The following SGCB variants were observed in gnomAD, a reference collection of about 807,000 sequenced individuals.
SGCB encodes beta-sarcoglycan.
A neutral mutation model predicts 27.3 loss-of-function variants in SGCB; 25 were observed. The observed-to-expected ratio is 0.92, with a 90% CI of 0.67 to 1.28. SGCB has a LOEUF of 1.28. Among genes scored for constraint, SGCB ranks in the 50% most tolerant of loss-of-function variants. SGCB has a pLI of 0.00. For missense variants in SGCB, 436 were observed against 402.1 expected, an observed-to-expected ratio of 1.08 and a Z score of -0.72; for synonymous variants, 147 against 133.5, an observed-to-expected ratio of 1.10 and a Z score of -0.70.
At chr4:52,031,491 T>TTC (rs1188535530) in intron 2 of SGCB, among the ~76,000 whole-genome samples, 43 of 151,218 alleles carry the variant, frequency 2.8e-4, no homozygotes, top group Non-Finnish European at 5.3e-4. Flanking sequence ...CCTTTTAATT[T>TTC]TTTTTTTTTT....
Position 52,034,268 on chromosome 4 carries a change from C to G in SGCB, c.34-628G>C, listed in dbSNP as rs225174. Among the ~76,000 whole-genome samples the G allele has an allele frequency of 4.4e-3, 152 of 34,166 alleles. 31 individuals are homozygous for G. The highest frequency in any genetic ancestry group is 0.012 in the Non-Finnish European group (99 of 8,208). The allele number at this position is 34,166 out of a possible 152,430, so 22.4% of individuals were successfully genotyped here. On this transcript the variant is annotated intron_variant, in intron 1 of 5. Transcript: ENST00000381431. Reference sequence around the variant, plus strand: ...AATGGCGTGAACCCGGGAGGCGGAGCTTGCAGTGAGCCGAGATCCCGCCAC... The same window carrying G: ...AATGGCGTGAACCCGGGAGGCGGAGGTTGCAGTGAGCCGAGATCCCGCCAC...
Position 52,023,981 on chromosome 4 carries a change from G to A in SGCB, c.933C>T (p.Asp311=), listed in dbSNP as rs780557395. The A allele has an allele frequency of 5.0e-6, 8 of 1,614,150 alleles. No homozygotes were observed. Among genetic ancestry groups the A allele is most frequent in the East Asian group, 2.2e-5 (1 of 44,890 alleles). The change falls in exon 6 of 6, where the codon GAC becomes GAT. Residue 311 remains aspartate (D), a synonymous_variant. Coordinates refer to ENST00000381431, the MANE Select transcript of SGCB (RefSeq NM_000232.5). Reference sequence around the variant, plus strand: ...TTTAATGAGTGTTTCCACAGGGGTTGTCTGAGATTTGGCAGCCCATGTTCT... The same window carrying A: ...TTTAATGAGTGTTTCCACAGGGGTTATCTGAGATTTGGCAGCCCATGTTCT... ...TSQNMGCQIS[D]NPCGNTH
chr4:52,038,189 C>A (rs865846933), intron 1 of SGCB, 38 bp downstream of exon 1: 45 of 1,216,076 alleles, frequency 3.7e-5, no homozygotes, highest in Non-Finnish European at 4.6e-5. Context: ...CGGCCTCCCC[C>A]GCTCCTCCAG....
At chr4:52,026,361 C>A (rs908447129) in intron 5 of SGCB, among the ~76,000 whole-genome samples, 3 of 144,910 alleles carry the variant, frequency 2.1e-5, no homozygotes, top group Non-Finnish European at 4.5e-5. Flanking sequence ...TGGTTTCAAG[C>A]GATTCTCCTG....
At chr4:52,024,929 T>C (rs1273907973) in intron 5 of SGCB, among the ~76,000 whole-genome samples, 1 of 149,358 alleles carries the variant, frequency 6.7e-6, no homozygotes, top group African/African-American at 2.5e-5. Context: ...ATTCAAACCA[T>C]ATAATTTGAA....
intron 1 of SGCB, 91 bp downstream of exon 1, chr4:52,038,136 C>G: frequency 8.9e-7 from 1 of 1,118,256 alleles, no homozygotes; most frequent in Non-Finnish European, 1.1e-6. Context: ...CCGCGCCCCC[C>G]GCACCCCCGG....
rs770407259 is a variant in SGCB, at chr4:52,027,995, G to A, written c.726C>T (p.His242=). The A allele has an allele frequency of 6.2e-7, 1 of 1,613,720 alleles. No homozygotes were observed. Among genetic ancestry groups the A allele is most frequent in the Non-Finnish European group, 8.5e-7 (1 of 1,179,766 alleles). ...VFIMGKTIEF[H]MGGNMELKAE... ...CCTTTAACTCCATATTACCACCCATGTGAAATTCAATGGTTTTGCCCATAA... is the reference window on the plus strand; with the variant it reads ...CCTTTAACTCCATATTACCACCCATATGAAATTCAATGGTTTTGCCCATAA... The change falls in exon 5 of 6, where the codon CAC becomes CAT. Residue 242 remains histidine (H), a synonymous_variant. Transcript: ENST00000381431.
intron 2 of SGCB, 31 bp from the exon 3 acceptor site, chr4:52,029,894 G>A (rs927747253): frequency 3.3e-6 from 5 of 1,504,982 alleles, no homozygotes; most frequent in Non-Finnish European, 4.6e-6. Flanking sequence ...ACTGTTGGTA[G>A]GCCGCATACA....
At chr4:52,036,779 T>C (rs1737404460) in intron 1 of SGCB, among the ~76,000 whole-genome samples, 2 of 152,200 alleles carry the variant, frequency 1.3e-5, no homozygotes, top group African/African-American at 4.8e-5. Flanking sequence ...GCTCACTGTT[T>C]AAATCTCAAG....
intron 5 of SGCB, among the ~76,000 whole-genome samples, chr4:52,026,319 C>T (rs1251426812): frequency 5.6e-5 from 7 of 125,328 alleles, no homozygotes; most frequent in Non-Finnish European, 7.8e-5. Flanking sequence ...AGTGCAGTGG[C>T]GCGATCTGGG....
At chr4:52,037,045 T>C (rs1040732246) in intron 1 of SGCB, among the ~76,000 whole-genome samples, 1 of 152,212 alleles carries the variant, frequency 6.6e-6, no homozygotes, top group East Asian at 1.9e-4. Context: ...GCCCCACTTA[T>C]GTGTAAAGCA....
At chr4:52,032,520 C>T (rs1324472587) in intron 2 of SGCB, among the ~76,000 whole-genome samples, 1 of 151,994 alleles carries the variant, frequency 6.6e-6, no homozygotes, top group African/African-American at 2.4e-5. Flanking sequence ...CAGAAGTCTC[C>T]GATAAAATAC....
At position 52,034,331 on chromosome 4, in the gene SGCB, C is replaced by CAAAAAAA. The variant is rs541129158; in HGVS notation, c.34-698_34-692dup. Reference sequence around the variant, plus strand: ...TGGGCGACAGAGCGAGACTCCGTCTCAAAAAAAAAAAAAAAAAAAAAAAAA... The same window carrying CAAAAAAA: ...TGGGCGACAGAGCGAGACTCCGTCTCAAAAAAAAAAAAAAAAAAAAAAAAAAAAAAAA... On this transcript the variant is annotated intron_variant, in intron 1 of 5. Coordinates refer to ENST00000381431, the MANE Select transcript of SGCB (RefSeq NM_000232.5). Among the ~76,000 whole-genome samples the CAAAAAAA allele has an allele frequency of 1.7e-3, 45 of 26,518 alleles. 10 individuals are homozygous for CAAAAAAA. Among genetic ancestry groups the CAAAAAAA allele is most frequent in the East Asian group, 6.5e-3 (4 of 616 alleles). 17.4% of individuals were successfully genotyped at this position (26,518 alleles called of 152,430 possible). A position where few individuals can be genotyped will look rare whatever the true frequency, so the allele number is the denominator to read the frequency against.
rs973792584 is a variant in SGCB at position 52,021,066 on chromosome 4, G to A, written c.*2891C>T. On this transcript the variant is annotated 3_prime_UTR_variant, in exon 6 of 6. Transcript: ENST00000381431. ...TATTTTAAAATATTATCAGCAGTCCGTTTTGTGTGGTTTTACATTTTTCTG... is the reference window on the plus strand; with the variant it reads ...TATTTTAAAATATTATCAGCAGTCCATTTTGTGTGGTTTTACATTTTTCTG... 3.3e-5 allele frequency: 5 copies of A among 152,042 alleles called. No homozygotes were observed. Among genetic ancestry groups the A allele is most frequent in the Admixed American group, 1.3e-4 (2 of 15,278 alleles). 9.4% of individuals were successfully genotyped at this position (152,042 alleles called of 1,614,324 possible).
In SGCB at chr4:52,033,424, TACTC is replaced by T. The variant is rs1553940660; in HGVS notation, c.243+3_243+6del. 2 of 1,577,608 alleles carry T rather than the reference TACTC, an allele frequency of 1.3e-6. No individual in the cohort carries two copies. The highest frequency in any genetic ancestry group is 1.7e-4 in the Middle Eastern group (1 of 5,996). ...CAATTAAAATGAGTATTCTTACAAA[TACTC>T]ACTATTAAATTGATGACAGCCAGGA... On this transcript the variant is annotated splice_donor_5th_base_variant and intron_variant, in intron 2 of 5. Coordinates refer to ENST00000381431, the MANE Select transcript of SGCB (RefSeq NM_000232.5).
intron 5 of SGCB, 114 bp from the exon 6 acceptor site, chr4:52,024,274 A>G (rs1263725088): frequency 8.9e-6 from 7 of 788,436 alleles, no homozygotes; most frequent in Non-Finnish European, 1.5e-5. Context: ...AAGAAAGAGT[A>G]AAGTCACAAA....
intron 1 of SGCB, 30 bp downstream of exon 1, chr4:52,038,197 C>T: frequency 8.1e-7 from 1 of 1,228,946 alleles, no homozygotes; most frequent in Non-Finnish European, 1.0e-6. Context: ...CCCGCTCCTC[C>T]AGCCCGCGGC....
At chr4:52,026,321 C>T (rs1179372830) in intron 5 of SGCB, among the ~76,000 whole-genome samples, 1 of 135,420 alleles carries the variant, frequency 7.4e-6, no homozygotes, top group African/African-American at 2.8e-5. Flanking sequence ...TGCAGTGGCG[C>T]GATCTGGGTT....
At position 52,029,917 on chromosome 4, in the gene SGCB, G is replaced by T. The variant is rs948982947; in HGVS notation, c.244-54C>A. On this transcript the variant is annotated intron_variant, in intron 2 of 5. Coordinates refer to ENST00000381431, the MANE Select transcript of SGCB (RefSeq NM_000232.5). ...TAGGCCGCATACATTTAATGTAATT[G>T]GAAAACAAATAGAAAATATTATCAC... 4.9e-5 allele frequency: 65 copies of T among 1,335,590 alleles called. No homozygotes were observed. In the Middle Eastern group the frequency reaches 1.3e-3, roughly 26 times the overall value. 82.7% of individuals were successfully genotyped at this position (1,335,590 alleles called of 1,614,324 possible). A position where few individuals can be genotyped will look rare whatever the true frequency, so the allele number is the denominator to read the frequency against.
Sources: gnomAD v4.1 joint callset for allele counts (sites outside exome capture counted in the v4.1 genomes callset) on GRCh38, gnomAD v4.1.1 for gene constraint, MANE v1.5 for transcripts, NCBI Gene and HGNC (gene_info 2026-07-23, HGNC 2026-07-21) for gene names.